ACKR3: variants seen among roughly 807,000 people sequenced by gnomAD.
ACKR3 encodes the protein atypical chemokine receptor 3, also known as C-X-C chemokine receptor type 7.
Under a neutral mutation model 22.4 loss-of-function variants are expected in ACKR3, and 6 were observed. The ratio of observed to expected loss-of-function variants is 0.27; its 90% CI spans 0.15 to 0.53. The LOEUF (loss-of-function observed/expected upper bound fraction) is 0.53. Among genes scored for constraint, ACKR3 ranks in the 20% least tolerant of loss-of-function variants. The pLI, the probability that ACKR3 is intolerant of heterozygous loss-of-function variation, is 0.96. For synonymous variants in ACKR3, 209 were observed against 205.2 expected, an observed-to-expected ratio of 1.02 and a Z score of -0.16; for missense variants, 396 against 475.2, an observed-to-expected ratio of 0.83 and a Z score of 1.55.
chr2:236,567,207 G>A (rs1445946222), upstream of ACKR3, among the ~76,000 whole-genome samples: 1 of 152,122 alleles, frequency 6.6e-6, no homozygotes, highest in Admixed American at 6.5e-5. Flanking sequence ...CACCATGTTG[G>A]CCTGGCTGGT....
the ACKR3 span, among the ~76,000 whole-genome samples, chr2:236,539,574 A>G: frequency 6.6e-6 from 1 of 151,872 alleles, no homozygotes; most frequent in East Asian, 1.9e-4. Context: ...CAGCCTCCCA[A>G]AATGCTAGGA....
At position 236,577,568 on chromosome 2, in the gene ACKR3, G is replaced by A. The variant is rs1691436453; in HGVS notation, c.-26-2872G>A. ...CACACTCGAGATGTGGGAACCAGGC[G>A]TCTTCTCACTGAGTGACCCTGCCTC... is the stretch of plus-strand genomic sequence containing the variant. On this transcript the variant is annotated intron_variant, in intron 1 of 1. Coordinates refer to ENST00000272928, the MANE Select transcript of ACKR3 (RefSeq NM_020311.3). This position sits in a 1 kb window ranked among gnomAD's most constrained non-coding sequence, Gnocchi z 5.6. Among the ~76,000 whole-genome samples, 2 of 152,076 alleles carry A rather than the reference G, an allele frequency of 1.3e-5. No homozygotes were observed. Among genetic ancestry groups the A allele is most frequent in the Admixed American group, 1.3e-4 (2 of 15,270 alleles).
the ACKR3 span, among the ~76,000 whole-genome samples, chr2:236,558,052 A>G: frequency 2.6e-5 from 4 of 152,228 alleles, no homozygotes; most frequent in East Asian, 7.7e-4. Flanking sequence ...CGTGATTCTG[A>G]GGAGTCTTTC....
upstream of ACKR3, among the ~76,000 whole-genome samples, chr2:236,567,152 C>G (rs1023545722): frequency 3.3e-5 from 5 of 152,216 alleles, no homozygotes; most frequent in African/African-American, 1.2e-4. Context: ...ACGCGCGCCA[C>G]CGCGCTGGGC....
the ACKR3 span, among the ~76,000 whole-genome samples, chr2:236,546,680 G>T: frequency 6.6e-6 from 1 of 152,174 alleles, no homozygotes; most frequent in African/African-American, 2.4e-5. The surrounding 1 kb of genome is among the most constrained non-coding windows in gnomAD (Gnocchi z 4.9). Flanking sequence ...AGCACCAGAG[G>T]CAAACAGATG....
At chr2:236,538,229 T>C in the ACKR3 span, among the ~76,000 whole-genome samples, 2 of 152,316 alleles carry the variant, frequency 1.3e-5, no homozygotes, top group Admixed American at 6.5e-5. Context: ...AATCCCTGAC[T>C]TGATTAACTG....
chr2:236,581,655 G>A lies in ACKR3; in HGVS notation c.*101G>A, dbSNP rs182305985. On this transcript the variant is annotated 3_prime_UTR_variant, in exon 2 of 2. Transcript: ENST00000272928. This position sits in a 1 kb window ranked among gnomAD's most constrained non-coding sequence, Gnocchi z 4.4. ...AAGCAAAGTAGCTTCGGGTCTTGAT[G>A]CTTGAGTAGAGTGAAGAGGGGAGCA... 6.4e-4 allele frequency: 929 copies of A among 1,445,914 alleles called. 13 individuals are homozygous for A. The East Asian group carries it at 0.018, about 28-fold the overall frequency. The allele number at this position is 1,445,914 out of a possible 1,614,324, so 89.6% of individuals were successfully genotyped here.
the ACKR3 span, among the ~76,000 whole-genome samples, chr2:236,556,778 T>C: frequency 1.4e-4 from 22 of 152,310 alleles, no homozygotes; most frequent in African/African-American, 4.8e-4. Flanking sequence ...AACCTCCACC[T>C]CCCAGGTTCA....
the ACKR3 span, among the ~76,000 whole-genome samples, chr2:236,543,476 G>A: frequency 1.3e-5 from 2 of 152,194 alleles, no homozygotes; most frequent in Non-Finnish European, 2.9e-5. Context: ...CCCACACTGA[G>A]AGTATAGAAA....
At chr2:236,567,163 T>G (rs533432869), upstream of ACKR3, among the ~76,000 whole-genome samples, 1 of 152,222 alleles carries the variant, frequency 6.6e-6, no homozygotes, top group South Asian at 2.1e-4. Flanking sequence ...CGCGCTGGGC[T>G]AATTTTTTGT....
chr2:236,553,011 G>A, the ACKR3 span, among the ~76,000 whole-genome samples: 1 of 152,182 alleles, frequency 6.6e-6, no homozygotes, highest in Non-Finnish European at 1.5e-5. Flanking sequence ...CTTGGTGGTT[G>A]GAATGACACT....
At chr2:236,545,925 A>G in the ACKR3 span, among the ~76,000 whole-genome samples, 1 of 152,240 alleles carries the variant, frequency 6.6e-6, no homozygotes, top group African/African-American at 2.4e-5. This position sits in a 1 kb window ranked among gnomAD's most constrained non-coding sequence, Gnocchi z 5.3. Flanking sequence ...CCAACTTTAA[A>G]GTCTGCGAGA....
At chr2:236,557,282 G>GTA in the ACKR3 span, among the ~76,000 whole-genome samples, 1 of 151,890 alleles carries the variant, frequency 6.6e-6, no homozygotes, top group South Asian at 2.1e-4. Flanking sequence ...GTGTGTGTGT[G>GTA]CATACGTATA....
chr2:236,549,765 G>A, the ACKR3 span, among the ~76,000 whole-genome samples: 3 of 152,212 alleles, frequency 2.0e-5, no homozygotes, highest in Non-Finnish European at 1.5e-5. This position sits in a 1 kb window ranked among gnomAD's most constrained non-coding sequence, Gnocchi z 5.3. Flanking sequence ...TGTGTCAGGT[G>A]CAACTATGGT....
upstream of ACKR3, among the ~76,000 whole-genome samples, chr2:236,565,349 A>G (rs1691156278): frequency 6.6e-6 from 1 of 152,222 alleles, no homozygotes; most frequent in Non-Finnish European, 1.5e-5. Context: ...TAAAAACAGC[A>G]GGTGCAACAA....
chr2:236,548,765 A>G, the ACKR3 span, among the ~76,000 whole-genome samples: 4 of 152,346 alleles, frequency 2.6e-5, no homozygotes, highest in Admixed American at 6.5e-5. This position sits in a 1 kb window ranked among gnomAD's most constrained non-coding sequence, Gnocchi z 4.3. Flanking sequence ...CTTCTCTGAC[A>G]TAACAGCCAA....
the ACKR3 span, among the ~76,000 whole-genome samples, chr2:236,550,469 G>A: frequency 6.6e-6 from 1 of 152,164 alleles, no homozygotes; most frequent in African/African-American, 2.4e-5. The surrounding 1 kb of genome is among the most constrained non-coding windows in gnomAD (Gnocchi z 4.6). Flanking sequence ...GCTGATTGAT[G>A]GCAGCACCTT....
intron 1 of ACKR3, among the ~76,000 whole-genome samples, chr2:236,576,739 G>C (rs768943103): frequency 2.0e-5 from 3 of 152,214 alleles, no homozygotes; most frequent in Admixed American, 1.3e-4. Context: ...CATGTTACAC[G>C]GCAGTTCCCT....
Position 236,581,243 on chromosome 2 carries a change from G to A in ACKR3, c.778G>A (p.Val260Ile). The A allele has an allele frequency of 6.2e-7, 1 of 1,614,070 alleles. No individual in the cohort carries two copies. The highest frequency in any genetic ancestry group is 1.1e-5 in the South Asian group (1 of 91,082). ...SRKIIFSYVV[V>I]FLVCWLPYHV... The stretch of plus-strand genomic sequence containing the variant: ...GAAGATCATCTTCTCCTACGTGGTG[G>A]TCTTCCTTGTCTGCTGGCTGCCCTA... Residue 260 changes from valine (V) to isoleucine (I), a missense_variant, in exon 2 of 2, where the codon GTC becomes ATC. Physicochemically the swap from Val to Ile is conservative, Grantham distance 29. Transcript: ENST00000272928. The surrounding 1 kb of genome is among the most constrained non-coding windows in gnomAD (Gnocchi z 4.4).
Sources: allele counts gnomAD v4.1 joint callset (sites outside exome capture counted in the v4.1 genomes callset), GRCh38; gene constraint gnomAD v4.1.1; non-coding constraint Gnocchi (gnomAD v3.1); transcripts MANE v1.5; gene names NCBI Gene and HGNC (gene_info 2026-07-23, HGNC 2026-07-21).